Variants in DVL2 observed in about 807,000 individuals in gnomAD.
DVL2 encodes dishevelled segment polarity protein 2.
A neutral mutation model predicts 69.8 loss-of-function variants in DVL2; 38 were observed. The observed-to-expected ratio is 0.54, with a 90% confidence interval of 0.42 to 0.71. DVL2 has a LOEUF of 0.71. Ranked by LOEUF, DVL2 falls within the 30% of genes least tolerant of loss-of-function variation. The probability of loss-of-function intolerance (pLI) is 0.00; values close to 1 mark genes in which losing one functional copy is unlikely to be tolerated. For missense variants in DVL2, 931 were observed against 1,008.1 expected (o/e 0.92, Z 1.04); for synonymous variants, 428 against 392.4 (o/e 1.09, Z -1.07).
At position 7,229,752 on chromosome 17, in the gene DVL2, T is replaced by C; in HGVS notation, c.656+56A>G. ...GGGCCAAGAGAAAGAACAAGAGGATTGACTGGAAGACGAGACGGGGCTGGG... is the reference window on the plus strand; with the variant it reads ...GGGCCAAGAGAAAGAACAAGAGGATCGACTGGAAGACGAGACGGGGCTGGG... On this transcript the variant is annotated intron_variant, in intron 5 of 14. Coordinates refer to ENST00000005340, the MANE Select transcript of DVL2 (RefSeq NM_004422.3). This position sits in a 1 kb window ranked among gnomAD's most constrained non-coding sequence, Gnocchi z 4.4. The C allele has an allele frequency of 2.5e-6, 4 of 1,589,230 alleles. No homozygotes were observed. Among genetic ancestry groups the C allele is most frequent in the Non-Finnish European group, 3.4e-6 (4 of 1,163,526 alleles).
Position 7,228,012 on chromosome 17 carries a change from T to A in DVL2, c.1067A>T (p.Asp356Val), listed in dbSNP as rs1178821874. The change falls in exon 10 of 15, where the codon GAT (aspartate) becomes GTT (valine). Residue 356 changes from aspartate to valine, a missense_variant. Physicochemically the swap from Asp to Val is radical, Grantham distance 152 (BLOSUM62 -3). This residue lies in a region of DVL2 where 555 missense variants were observed against 588.8 expected (regional missense o/e 0.94). Coordinates refer to ENST00000005340, the MANE Select transcript of DVL2 (RefSeq NM_004422.3). Reference protein sequence around the residue: ...PIVLTVAKCWDPSPQAYFTLP... With the variant: ...PIVLTVAKCWVPSPQAYFTLP... ...AGTGAAATAGGCCTGAGGAGAGGGA[T>A]CCCAGCACTTGGCCACAGTCAGCAC... The A allele has an allele frequency of 6.4e-7, 1 of 1,555,074 alleles. No individual in the cohort carries two copies. Among genetic ancestry groups the A allele is most frequent in the Non-Finnish European group, 8.7e-7 (1 of 1,152,104 alleles).
At chr17:7,234,047 C>A (rs1220597097) in intron 1 of DVL2, 22 bp downstream of exon 1, 1 of 1,612,828 alleles carries the variant, frequency 6.2e-7, no homozygotes. Flanking sequence ...CCCCGCCGGT[C>A]CTATCTAGGC....
chr17:7,230,917 A>G, intron 1 of DVL2, 120 bp from the exon 2 acceptor site: 1 of 664,086 alleles, frequency 1.5e-6, no homozygotes, highest in Non-Finnish European at 2.6e-6. Context: ...TGCCCTGTTC[A>G]GGTCTTCTCT....
rs1235301580 is a variant in DVL2, at chr17:7,227,533, A to G, written c.1234T>C (p.Cys412Arg). Residue 412 changes from cysteine (C) to arginine (R), a missense_variant and splice_region_variant, in exon 12 of 15, where the codon TGT becomes CGT. Cys to Arg is a radical substitution (Grantham distance 180). Transcript: ENST00000005340. ...TGGACGGAGAGACCCCGGCCTTCAC[A>G]GCCTGGCAGAGGAGACAACGGGTAA... ...ITSGSSLPDG[C>R]EGRGLSVHTD... The G allele has an allele frequency of 6.2e-7, 1 of 1,613,852 alleles. No homozygotes were observed.
chr17:7,228,070 G>C, intron 9 of DVL2, 26 bp from the exon 10 acceptor site: 1 of 1,519,372 alleles, frequency 6.6e-7, no homozygotes, highest in Non-Finnish European at 8.8e-7. Flanking sequence ...GTCCAGTCAA[G>C]GGCGCAGGGG....
At chr17:7,228,286 G>GA in intron 9 of DVL2, 1 of 369,902 alleles carries the variant, frequency 2.7e-6, no homozygotes, top group Non-Finnish European at 5.0e-6. Flanking sequence ...TCCATTCACA[G>GA]AAAGTCCAAA....
chr17:7,233,602 G>A (rs1265571803), intron 1 of DVL2, among the ~76,000 whole-genome samples: 3 of 151,974 alleles, frequency 2.0e-5, no homozygotes, highest in African/African-American at 7.3e-5. Context: ...GTGCCCCCAC[G>A]CCCGGCTAAT....
chr17:7,231,995 C>T (rs546395124), intron 1 of DVL2, among the ~76,000 whole-genome samples: 3 of 152,154 alleles, frequency 2.0e-5, no homozygotes, highest in Non-Finnish European at 2.9e-5. Context: ...CAAAATTCTG[C>T]ACAAAGCAAT....
rs59984818 is a variant in DVL2, at chr17:7,233,087, C to CAAAAAAAAAAAAAAAAAAAAAAA, written c.194+981_194+982insTTTTTTTTTTTTTTTTTTTTTTT. Among the ~76,000 whole-genome samples the CAAAAAAAAAAAAAAAAAAAAAAA allele has an allele frequency of 1.7e-3, 61 of 36,264 alleles. 6 individuals carry two copies. The highest frequency in any genetic ancestry group is 4.5e-3 in the Admixed American group (14 of 3,118). 23.8% of individuals were successfully genotyped at this position (36,264 alleles called of 152,430 possible). A position where few individuals can be genotyped will look rare whatever the true frequency, so the allele number is the denominator to read the frequency against. Reference sequence around the variant, plus strand: ...CCTGGGCGACAGAGCGAGACTGTCTCAAAAAAAAAAAAAAAAAAAAGCAGA... The same window carrying CAAAAAAAAAAAAAAAAAAAAAAA: ...CCTGGGCGACAGAGCGAGACTGTCTCAAAAAAAAAAAAAAAAAAAAAAAAAAAAAAAAAAAAAAAAAAAGCAGA... On this transcript the variant is annotated intron_variant, in intron 1 of 14. Coordinates refer to ENST00000005340, the MANE Select transcript of DVL2 (RefSeq NM_004422.3).
chr17:7,229,957 G>A lies in DVL2; in HGVS notation c.521-14C>T. On this transcript the variant is annotated splice_polypyrimidine_tract_variant and intron_variant, in intron 4 of 14. Transcript: ENST00000005340. This position sits in a 1 kb window ranked among gnomAD's most constrained non-coding sequence, Gnocchi z 4.4. The stretch of plus-strand genomic sequence containing the variant: ...TGTGGCCCCCAGCTACATATGGACA[G>A]GAAGCTCAAGAACCAAGCTTCCCCC... The A allele has an allele frequency of 6.2e-7, 1 of 1,608,054 alleles. No individual in the cohort carries two copies. Among genetic ancestry groups the A allele is most frequent in the African/African-American group, 1.3e-5 (1 of 75,028 alleles).
intron 3 of DVL2, 51 bp from the exon 4 acceptor site, chr17:7,230,206 G>A: frequency 1.2e-6 from 2 of 1,610,712 alleles, no homozygotes; most frequent in South Asian, 1.1e-5. Context: ...CAGGGCTCCG[G>A]ATCCTAGGCG....
Position 7,225,777 on chromosome 17 carries a change from G to C in DVL2, c.*88C>G. 1 of 1,191,454 alleles carries C rather than the reference G, an allele frequency of 8.4e-7. No homozygotes were observed. Among genetic ancestry groups the C allele is most frequent in the South Asian group, 1.3e-5 (1 of 79,990 alleles). The allele number at this position is 1,191,454 out of a possible 1,614,324, so 73.8% of individuals were successfully genotyped here. ...TGTATGGCAGCAGCTGGTAGGCTGA[G>C]CCCAGGCACTGTAAGAGCAAGCACA... is the stretch of plus-strand genomic sequence containing the variant. On this transcript the variant is annotated 3_prime_UTR_variant, in exon 15 of 15. Transcript: ENST00000005340.
chr17:7,230,699 G>A (rs2142993366), intron 2 of DVL2, 29 bp downstream of exon 2: 3 of 1,595,738 alleles, frequency 1.9e-6, no homozygotes, highest in South Asian at 2.2e-5. Context: ...TGCTGAGGGG[G>A]CCTGGTCCTC....
At chr17:7,231,992 C>A (rs962635740) in intron 1 of DVL2, among the ~76,000 whole-genome samples, 4 of 152,058 alleles carry the variant, frequency 2.6e-5, no homozygotes, top group African/African-American at 4.8e-5. Context: ...GCACAAAATT[C>A]TGCACAAAGC....
rs2071446421 is a variant in DVL2 at position 7,226,322 on chromosome 17, G to A, written c.1763-9C>T. The stretch of plus-strand genomic sequence containing the variant: ...CCCACTGCTCCGGCTGCCTGTGGAG[G>A]GAGGGGAGGGGCAACTGAGTCCTCA... On this transcript the variant is annotated splice_polypyrimidine_tract_variant and intron_variant, in intron 14 of 14. Coordinates refer to ENST00000005340, the MANE Select transcript of DVL2 (RefSeq NM_004422.3). 9.7e-6 allele frequency: 15 copies of A among 1,551,284 alleles called. No individual in the cohort carries two copies. Among genetic ancestry groups the A allele is most frequent in the Non-Finnish European group, 1.2e-5 (14 of 1,153,100 alleles).
Position 7,226,401 on chromosome 17 carries a change from G to A in DVL2, c.1762+20C>T. The stretch of plus-strand genomic sequence containing the variant: ...TCCACCCTCAGATCCTGGCCGTACA[G>A]GTATGTGGGGATGACTTACCCTCAC... On this transcript the variant is annotated intron_variant, in intron 14 of 14. Transcript: ENST00000005340. The A allele has an allele frequency of 6.5e-7, 1 of 1,531,724 alleles. No individual in the cohort carries two copies. The highest frequency in any genetic ancestry group is 8.8e-7 in the Non-Finnish European group (1 of 1,140,856). 94.9% of individuals were successfully genotyped at this position (1,531,724 alleles called of 1,614,324 possible). A position where few individuals can be genotyped will look rare whatever the true frequency, so the allele number is the denominator to read the frequency against.
At chr17:7,232,118 A>T (rs1300806439) in intron 1 of DVL2, among the ~76,000 whole-genome samples, 2 of 152,146 alleles carry the variant, frequency 1.3e-5, no homozygotes, top group African/African-American at 4.8e-5. Flanking sequence ...AACCATGAAC[A>T]CTTACTCTGG....
chr17:7,232,072 G>T (rs1392924950), intron 1 of DVL2, among the ~76,000 whole-genome samples: 1 of 152,108 alleles, frequency 6.6e-6, no homozygotes, highest in Non-Finnish European at 1.5e-5. Flanking sequence ...CCCTGTGGTG[G>T]ACCGGACTTG....
At chr17:7,228,686 A>C in intron 9 of DVL2, 1 of 388,348 alleles carries the variant, frequency 2.6e-6, no homozygotes, top group Non-Finnish European at 4.7e-6. Flanking sequence ...GGTTCAAGTG[A>C]TTCTCCTGTC....
Sources: gnomAD v4.1 joint callset for allele counts (sites outside exome capture counted in the v4.1 genomes callset) on GRCh38, gnomAD v4.1.1 for gene constraint, gnomAD v4.1.1 regional missense constraint, Gnocchi (gnomAD v3.1) non-coding constraint, MANE v1.5 for transcripts, NCBI Gene and HGNC (gene_info 2026-07-23, HGNC 2026-07-21) for gene names.